Variants in ADGRL1 observed in about 807,000 individuals in gnomAD.
ADGRL1 encodes the protein CIRL-1.
ADGRL1 carries 31 observed loss-of-function variants against 148.9 expected under a neutral mutation model. The ratio of observed to expected loss-of-function variants is 0.21; its 90% CI spans 0.16 to 0.28. The LOEUF (loss-of-function observed/expected upper bound fraction) is 0.28. ADGRL1 is among the 10% of genes least tolerant of loss of function. ADGRL1 has a pLI of 1.00. For missense variants in ADGRL1, 1,521 were observed against 2,058.8 expected (o/e 0.74, Z 5.05); for synonymous variants, 937 against 900.3 (o/e 1.04, Z -0.73).
intron 4 of ADGRL1, among the ~76,000 whole-genome samples, chr19:14,166,160 G>A (rs767897978): frequency 6.6e-6 from 1 of 152,040 alleles, no homozygotes; most frequent in Non-Finnish European, 1.5e-5. Context: ...AACCCTGACT[G>A]CAGCTTTGCA....
At chr19:14,167,505 C>G (rs1359013547) in intron 4 of ADGRL1, among the ~76,000 whole-genome samples, 1 of 152,010 alleles carries the variant, frequency 6.6e-6, no homozygotes, top group Non-Finnish European at 1.5e-5. Flanking sequence ...CTGCTGCCCT[C>G]CTGCTAGAAC....
Position 14,160,501 on chromosome 19 carries a change from C to T in ADGRL1, c.1614+92G>A. The T allele has an allele frequency of 3.9e-6, 4 of 1,025,636 alleles. No individual in the cohort carries two copies. The highest frequency in any genetic ancestry group is 5.7e-6 in the Non-Finnish European group (4 of 707,090). 63.5% of individuals were successfully genotyped at this position (1,025,636 alleles called of 1,614,324 possible). ...AGTCCTGCCTTCCAGACCTGCCAGC[C>T]CATGTCTCCCCAGCTGCTCCACGAC... On this transcript the variant is annotated intron_variant, in intron 7 of 22. Coordinates refer to ENST00000361434, the MANE Select transcript of ADGRL1 (RefSeq NM_014921.5). The surrounding 1 kb of genome is among the most constrained non-coding windows in gnomAD (Gnocchi z 5.9).
Position 14,152,134 on chromosome 19 carries a change from G to A in ADGRL1, c.3666C>T (p.Pro1222=), listed in dbSNP as rs765673660. The A allele has an allele frequency of 1.2e-6, 2 of 1,613,984 alleles. No homozygotes were observed. The highest frequency in any genetic ancestry group is 4.5e-5 in the East Asian group (2 of 44,890). ...VFNSPGSYRE[P]KHPLGGREAC... Reference sequence around the variant, plus strand: ...TCCCCAGGGAAGAGTCACACTTACTGGGTTCCCGGTAGCTCCCTGCAGGTG... The same window carrying A: ...TCCCCAGGGAAGAGTCACACTTACTAGGTTCCCGGTAGCTCCCTGCAGGTG... Residue 1222 remains proline, a splice_region_variant and synonymous_variant, in exon 22 of 23, where the codon CCC becomes CCT. Coordinates refer to ENST00000361434, the MANE Select transcript of ADGRL1 (RefSeq NM_014921.5). The surrounding 1 kb of genome is among the most constrained non-coding windows in gnomAD (Gnocchi z 6.1).
intron 2 of ADGRL1, among the ~76,000 whole-genome samples, chr19:14,180,583 C>T (rs1217886679): frequency 6.6e-6 from 1 of 151,440 alleles, no homozygotes; most frequent in Non-Finnish European, 1.5e-5. Flanking sequence ...AGGGTCTCAC[C>T]CTGTCACCAA....
rs751191297 is a variant in ADGRL1 at position 14,177,748 on chromosome 19, C to G, written c.71-4G>C. ...GGGAGCCCGGCCCGGCTCAGGCCTG[C>G]AGGGAGGGTTGGGGATGGTGTCACT... On this transcript the variant is annotated splice_region_variant and splice_polypyrimidine_tract_variant and intron_variant, in intron 2 of 22. Transcript: ENST00000361434. 2 of 1,608,344 alleles carry G rather than the reference C, an allele frequency of 1.2e-6. No individual in the cohort carries two copies. The highest frequency in any genetic ancestry group is 8.5e-7 in the Non-Finnish European group (1 of 1,178,836).
Position 14,160,025 on chromosome 19 carries a change from G to T in ADGRL1, c.1800+87C>A. ...GGAAAGGAGTGGAGGTGGCAGCCTG[G>T]CTGGGAGGTACCAGGTCAGGTACTT... On this transcript the variant is annotated intron_variant, in intron 8 of 22. Transcript: ENST00000361434. This position sits in a 1 kb window ranked among gnomAD's most constrained non-coding sequence, Gnocchi z 5.9. 1.4e-6 allele frequency: 2 copies of T among 1,388,524 alleles called. No individual in the cohort carries two copies. The highest frequency in any genetic ancestry group is 1.9e-6 in the Non-Finnish European group (2 of 1,030,378). 86.0% of individuals were successfully genotyped at this position (1,388,524 alleles called of 1,614,324 possible).
Position 14,160,317 on chromosome 19 carries a change from G to GAAGGGGGAATCCCAGGACTGTCAGGGAC in ADGRL1, c.1615-48_1615-21dup. On this transcript the variant is annotated intron_variant, in intron 7 of 22. Transcript: ENST00000361434. This position sits in a 1 kb window ranked among gnomAD's most constrained non-coding sequence, Gnocchi z 5.9. The stretch of plus-strand genomic sequence containing the variant: ...CTTGATCTGCATGAGGTGGGGGCGG[G>GAAGGGGGAATCCCAGGACTGTCAGGGAC]AAGGGGGAATCCCAGGACTGTCAGG... The GAAGGGGGAATCCCAGGACTGTCAGGGAC allele has an allele frequency of 6.3e-7, 1 of 1,577,582 alleles. No individual in the cohort carries two copies. The highest frequency in any genetic ancestry group is 1.1e-5 in the South Asian group (1 of 88,718).
chr19:14,202,014 G>A (rs1348322936), intron 1 of ADGRL1, among the ~76,000 whole-genome samples: 3 of 152,094 alleles, frequency 2.0e-5, no homozygotes, highest in Non-Finnish European at 4.4e-5. Context: ...AAAATATCTG[G>A]GGAAGGGTCC....
chr19:14,176,589 C>T (rs1363869000), intron 3 of ADGRL1, among the ~76,000 whole-genome samples: 4 of 152,026 alleles, frequency 2.6e-5, no homozygotes, highest in South Asian at 4.1e-4. Context: ...GTCATCCCAG[C>T]GCTTTGAGAG....
At chr19:14,158,869 C>T (rs1048601509) in intron 11 of ADGRL1, among the ~76,000 whole-genome samples, 5 of 152,368 alleles carry the variant, frequency 3.3e-5, no homozygotes, top group East Asian at 1.9e-4. Flanking sequence ...ATGGCCCCAT[C>T]CTCTCTGAGC....
chr19:14,191,630 A>C (rs1971945235), intron 1 of ADGRL1: 2 of 379,676 alleles, frequency 5.3e-6, no homozygotes, highest in Non-Finnish European at 1.1e-5. Context: ...CCGCCTTCTC[A>C]CTATATCCTC....
At chr19:14,195,621 G>T (rs534742751) in intron 1 of ADGRL1, among the ~76,000 whole-genome samples, 2 of 152,104 alleles carry the variant, frequency 1.3e-5, no homozygotes, top group Non-Finnish European at 2.9e-5. Flanking sequence ...CCATGAGCCC[G>T]CCTCCTTCAG....
intron 3 of ADGRL1, 98 bp downstream of exon 3, chr19:14,177,433 G>A (rs1970898024): frequency 1.8e-6 from 2 of 1,099,044 alleles, no homozygotes; most frequent in Admixed American, 3.5e-5. Flanking sequence ...TGTGTTGAAT[G>A]CATAAAAAAA....
At chr19:14,153,082 T>G (rs1446395769) in intron 18 of ADGRL1, among the ~76,000 whole-genome samples, 170 bp from the exon 19 acceptor site, 2 of 152,198 alleles carry the variant, frequency 1.3e-5, no homozygotes, top group Non-Finnish European at 2.9e-5. Context: ...TGATGTCCCC[T>G]GTCCCCCAAC....
In ADGRL1 at chr19:14,156,750, T is replaced by C. The variant is rs200311185; in HGVS notation, c.2967-26A>G. 6.5e-4 allele frequency: 1,044 copies of C among 1,597,738 alleles called. 1 individual carries two copies. The highest frequency in any genetic ancestry group is 8.6e-4 in the Non-Finnish European group (1,006 of 1,171,870). On this transcript the variant is annotated intron_variant, in intron 15 of 22. Coordinates refer to ENST00000361434, the MANE Select transcript of ADGRL1 (RefSeq NM_014921.5). ...CTGTAAAGGAAACAGGGCCGGGGTA[T>C]AGAGAGAAGCCGAGGAGCCATTCCC...
At chr19:14,191,696 CT>C (rs202173891) in intron 1 of ADGRL1, among the ~76,000 whole-genome samples, 19,748 of 143,828 alleles carry the variant, frequency 0.14, 1,394 homozygotes, top group South Asian at 0.3. Context: ...CTGTCTCTCT[CT>C]TTTTTTTTTT....
At position 14,163,465 on chromosome 19, in the gene ADGRL1, G is replaced by GGAGAGAGAGA. The variant is rs71170599; in HGVS notation, c.395-69_395-60dup. 2,338 of 701,156 alleles carry GGAGAGAGAGA rather than the reference G, an allele frequency of 3.3e-3. 12 individuals are homozygous for GGAGAGAGAGA. Among genetic ancestry groups the GGAGAGAGAGA allele is most frequent in the Admixed American group, 0.028 (889 of 31,250 alleles). 43.4% of individuals were successfully genotyped at this position (701,156 alleles called of 1,614,324 possible). A position where few individuals can be genotyped will look rare whatever the true frequency, so the allele number is the denominator to read the frequency against. On this transcript the variant is annotated intron_variant, in intron 4 of 22. Coordinates refer to ENST00000361434, the MANE Select transcript of ADGRL1 (RefSeq NM_014921.5). ...AGAGAAGGGGCAGAGGCGAGAGGGA[G>GGAGAGAGAGA]GAGAGAGAGAGAGAGAGAGAGAGAG...
chr19:14,164,098 C>G (rs1969713442), intron 4 of ADGRL1, among the ~76,000 whole-genome samples: 1 of 150,216 alleles, frequency 6.7e-6, no homozygotes, highest in Admixed American at 6.6e-5. Context: ...TGCTCCCCAC[C>G]CCCCACCCAG....
intron 1 of ADGRL1, among the ~76,000 whole-genome samples, chr19:14,196,089 T>G (rs1028842852): frequency 5.9e-5 from 9 of 152,154 alleles, no homozygotes; most frequent in African/African-American, 9.7e-5. Flanking sequence ...TGGACCCCAC[T>G]TCCCCACCTC....
Sources: allele counts gnomAD v4.1 joint callset (sites outside exome capture counted in the v4.1 genomes callset), GRCh38; gene constraint gnomAD v4.1.1; non-coding constraint Gnocchi (gnomAD v3.1); transcripts MANE v1.5; gene names NCBI Gene and HGNC (gene_info 2026-07-23, HGNC 2026-07-21).